CNTNAP5: variants seen among roughly 807,000 people sequenced by gnomAD.
CNTNAP5 encodes the protein contactin-associated protein-like 5.
A neutral mutation model predicts 150.2 loss-of-function variants in CNTNAP5; 72 were observed. The ratio of observed to expected loss-of-function variants is 0.48; its 90% CI spans 0.40 to 0.58. CNTNAP5 has a LOEUF of 0.58. Among genes scored for constraint, CNTNAP5 ranks in the 20% least tolerant of loss-of-function variants. CNTNAP5 has a pLI of 0.00. For missense variants in CNTNAP5, 1,636 were observed against 1,626.2 expected (o/e 1.01, Z -0.10); for synonymous variants, 672 against 619.8 (o/e 1.08, Z -1.25).
chr2:124,067,397 A>G (rs955117735), intron 1 of CNTNAP5, among the ~76,000 whole-genome samples: 5 of 152,060 alleles, frequency 3.3e-5, no homozygotes, highest in African/African-American at 1.2e-4. Flanking sequence ...GCATTCCTTG[A>G]TCTGTGGCTG....
In CNTNAP5 at chr2:124,264,383, CACACAT is replaced by C. The variant is rs1238176487; in HGVS notation, c.381+21996_381+22001del. On this transcript the variant is annotated intron_variant, in intron 3 of 23. Coordinates refer to ENST00000682447, the MANE Select transcript of CNTNAP5 (RefSeq NM_001367498.1). ...TCCCCCACACACACAGGCACACACA[CACACAT>C]ACACACACACACACACACACACACA... 1.5e-3 allele frequency among the ~76,000 whole-genome samples: 130 copies of C among 87,296 alleles called. 1 individual carries two copies. Among genetic ancestry groups the C allele is most frequent in the African/African-American group, 4.5e-3 (122 of 27,094 alleles). The allele number at this position is 87,296 out of a possible 152,430, so 57.3% of individuals were successfully genotyped here. A position where few individuals can be genotyped will look rare whatever the true frequency, so the allele number is the denominator to read the frequency against.
rs900086881 is a variant in CNTNAP5, at chr2:124,649,861, G to A, written c.2077+1903G>A. ...TCAACAAATACTGGTGTCCTTATTC[G>A]TAGCTTCCATTGCAGCAGGGAACAT... On this transcript the variant is annotated intron_variant, in intron 13 of 23. Coordinates refer to ENST00000682447, the MANE Select transcript of CNTNAP5 (RefSeq NM_001367498.1). Among the ~76,000 whole-genome samples the A allele has an allele frequency of 3.3e-5, 5 of 152,096 alleles. 1 individual carries two copies. The South Asian group carries it at 6.2e-4, about 19-fold the overall frequency.
intron 18 of CNTNAP5, among the ~76,000 whole-genome samples, chr2:124,794,136 G>C (rs144735280): frequency 6.6e-6 from 1 of 152,120 alleles, no homozygotes; most frequent in Non-Finnish European, 1.5e-5. Flanking sequence ...ATTGCAATAT[G>C]TTCCATCTGG....
In CNTNAP5 at chr2:124,713,298, T is replaced by C. The variant is rs1276293885; in HGVS notation, c.2078-33931T>C. On this transcript the variant is annotated intron_variant, in intron 13 of 23. Transcript: ENST00000682447. ...CTTTCTTTCTTTCTTTCTTTCTTTC[T>C]TTCTTCTTTCTCTTTCTTTCCTTTC... is the stretch of plus-strand genomic sequence containing the variant. 6.0e-4 allele frequency among the ~76,000 whole-genome samples: 75 copies of C among 125,870 alleles called. 2 individuals carry two copies. Among genetic ancestry groups the C allele is most frequent in the Middle Eastern group, 4.2e-3 (1 of 238 alleles). The allele number at this position is 125,870 out of a possible 152,430, so 82.6% of individuals were successfully genotyped here.
At chr2:124,526,913 G>A (rs1244210546) in intron 9 of CNTNAP5, among the ~76,000 whole-genome samples, 1 of 152,098 alleles carries the variant, frequency 6.6e-6, no homozygotes, top group East Asian at 1.9e-4. Flanking sequence ...TTAGATATGT[G>A]TTTCAAGACA....
intron 1 of CNTNAP5, among the ~76,000 whole-genome samples, chr2:124,069,894 T>C (rs1682258004): frequency 6.6e-6 from 1 of 152,120 alleles, no homozygotes; most frequent in Non-Finnish European, 1.5e-5. Context: ...ACACAGAATA[T>C]TATAACAGTG....
chr2:124,065,512 A>T (rs895549445), intron 1 of CNTNAP5, among the ~76,000 whole-genome samples: 5 of 152,174 alleles, frequency 3.3e-5, no homozygotes, highest in Admixed American at 1.3e-4. Context: ...AGAGACATGA[A>T]TGAGTCACAC....
At chr2:124,346,795 G>A (rs1689746100) in intron 3 of CNTNAP5, among the ~76,000 whole-genome samples, 1 of 151,746 alleles carries the variant, frequency 6.6e-6, no homozygotes, top group African/African-American at 2.4e-5. Flanking sequence ...TACTGACCAG[G>A]CATGGTGGCT....
At chr2:124,762,173 C>A (rs1238709531) in intron 14 of CNTNAP5, among the ~76,000 whole-genome samples, 1 of 152,180 alleles carries the variant, frequency 6.6e-6, no homozygotes, top group African/African-American at 2.4e-5. Context: ...CAAGCTGAGA[C>A]AAAAGCCTTA....
chr2:124,581,753 A>G (rs1319870431), intron 11 of CNTNAP5, among the ~76,000 whole-genome samples: 1 of 152,164 alleles, frequency 6.6e-6, no homozygotes, highest in Non-Finnish European at 1.5e-5. Context: ...ATAGGAAGAA[A>G]TGTGAGGTGA....
chr2:124,512,950 T>C (rs190138986), intron 8 of CNTNAP5, among the ~76,000 whole-genome samples: 1 of 152,318 alleles, frequency 6.6e-6, no homozygotes, highest in East Asian at 1.9e-4. Flanking sequence ...ATGACACCCT[T>C]AGCTTTCAGA....
intron 3 of CNTNAP5, among the ~76,000 whole-genome samples, chr2:124,299,218 C>T (rs551974773): frequency 1.3e-5 from 2 of 152,144 alleles, no homozygotes; most frequent in Non-Finnish European, 2.9e-5. Flanking sequence ...ATTTTTGTGG[C>T]TCCCCCACAG....
At chr2:124,555,234 A>G (rs1437288542) in intron 10 of CNTNAP5, among the ~76,000 whole-genome samples, 5 of 152,152 alleles carry the variant, frequency 3.3e-5, no homozygotes, top group Admixed American at 3.3e-4. Context: ...AAACATTCAT[A>G]CCATAGTTTT....
rs180680275 is a variant in CNTNAP5, at chr2:124,561,944, C to T, written c.1650-1273C>T. Among the ~76,000 whole-genome samples, 11 of 152,108 alleles carry T rather than the reference C, an allele frequency of 7.2e-5. No homozygotes were observed. The East Asian group carries it at 2.1e-3, about 29-fold the overall frequency. ...AATTCGCGGAATTTATTTTCCTGTA[C>T]TCTCTCAGGCCCTATAAAGATTGTT... On this transcript the variant is annotated intron_variant, in intron 10 of 23. Coordinates refer to ENST00000682447, the MANE Select transcript of CNTNAP5 (RefSeq NM_001367498.1).
At chr2:124,448,552 G>A (rs987175854) in intron 6 of CNTNAP5, among the ~76,000 whole-genome samples, 2 of 152,110 alleles carry the variant, frequency 1.3e-5, no homozygotes. Context: ...ATACCACAGA[G>A]GTTGACATAC....
intron 3 of CNTNAP5, among the ~76,000 whole-genome samples, chr2:124,296,199 A>AC (rs1050603551): frequency 3.9e-5 from 6 of 152,160 alleles, no homozygotes; most frequent in African/African-American, 1.4e-4. Context: ...TTAGCTGCTC[A>AC]CAACAGAAAA....
chr2:124,090,415 GAAGA>G (rs1558751633), intron 1 of CNTNAP5, among the ~76,000 whole-genome samples: 1 of 152,168 alleles, frequency 6.6e-6, no homozygotes, highest in Non-Finnish European at 1.5e-5. Flanking sequence ...AGCTGCTGCT[GAAGA>G]TAAGACCATT....
chr2:124,732,050 T>C (rs1330039665), intron 13 of CNTNAP5, among the ~76,000 whole-genome samples: 1 of 152,154 alleles, frequency 6.6e-6, no homozygotes, highest in Non-Finnish European at 1.5e-5. Context: ...ATATTTTACT[T>C]AGACAAAGAA....
intron 19 of CNTNAP5, among the ~76,000 whole-genome samples, chr2:124,846,283 A>C (rs1683045697): frequency 6.6e-6 from 1 of 152,174 alleles, no homozygotes; most frequent in Middle Eastern, 3.4e-3. Context: ...TTTTAAAAAA[A>C]ATTTTTTTGT....
Sources: allele counts gnomAD v4.1 joint callset (sites outside exome capture counted in the v4.1 genomes callset), GRCh38; gene constraint gnomAD v4.1.1; transcripts MANE v1.5; gene names NCBI Gene and HGNC (gene_info 2026-07-23, HGNC 2026-07-21).